The following AGBL4 variants were observed in gnomAD, a reference collection of about 807,000 sequenced individuals.
The protein encoded by AGBL4 is AGBL carboxypeptidase 4.
A neutral mutation model predicts 66.4 loss-of-function variants in AGBL4; 58 were observed. The observed-to-expected ratio is 0.87, with a 90% CI of 0.71 to 1.09. The LOEUF is 1.09. Among genes scored for constraint, AGBL4 ranks in the 50% least tolerant of loss-of-function variants. The pLI is 0.00. For synonymous variants in AGBL4, 234 were observed against 222.9 expected (o/e 1.05, Z -0.44); for missense variants, 579 against 631.0 (o/e 0.92, Z 0.88).
chr1:48,921,032 GAA>G (rs1557462804), intron 5 of AGBL4, among the ~76,000 whole-genome samples: 1 of 152,244 alleles, frequency 6.6e-6, no homozygotes, highest in Non-Finnish European at 1.5e-5. Context: ...CCATTTGCCT[GAA>G]GGAGCAGGTG....
At chr1:49,948,576 T>A (rs112166560) in intron 1 of AGBL4, among the ~76,000 whole-genome samples, 1 of 124,994 alleles carries the variant, frequency 8.0e-6, no homozygotes, top group Non-Finnish European at 1.6e-5. Context: ...TATATATATA[T>A]ATATATAGAG....
chr1:49,245,833 T>A lies in AGBL4; in HGVS notation c.314A>T (p.Lys105Ile), dbSNP rs537158458. The change falls in exon 4 of 14, where the codon AAA becomes ATA. Residue 105 changes from lysine to isoleucine, a missense_variant. Coordinates refer to ENST00000371839, the MANE Select transcript of AGBL4 (RefSeq NM_032785.4). Reference protein sequence around the residue: ...RVIFNIVNFSKTKSLYRDGMA... With the variant: ...RVIFNIVNFSITKSLYRDGMA... The stretch of plus-strand genomic sequence containing the variant: ...CCCATCTCTATAGAGACTCTTGGTT[T>A]TACTGAAGTTAACAATGTTGAAAAT... 2.6e-6 allele frequency: 4 copies of A among 1,549,606 alleles called. No individual in the cohort carries two copies. In the South Asian group the frequency reaches 4.8e-5, roughly 18 times the overall value.
At chr1:49,737,773 A>G (rs555557607) in intron 2 of AGBL4, among the ~76,000 whole-genome samples, 1 of 152,392 alleles carries the variant, frequency 6.6e-6, no homozygotes, top group African/African-American at 2.4e-5. Flanking sequence ...GAGTGCTGAA[A>G]GAAAAGACTT....
In AGBL4 at chr1:49,948,472, A is replaced by AAT. The variant is rs1373735952; in HGVS notation, c.34+75289_34+75290dup. On this transcript the variant is annotated intron_variant, in intron 1 of 13. Transcript: ENST00000371839. ...ATATATAAATATAGATAAATATATA[A>AAT]ATATATAAATATAAATATATAAAAA... 1.1e-3 allele frequency among the ~76,000 whole-genome samples: 131 copies of AAT among 124,462 alleles called. 1 individual carries two copies. Among genetic ancestry groups the AAT allele is most frequent in the South Asian group, 8.5e-3 (36 of 4,224 alleles). 81.7% of individuals were successfully genotyped at this position (124,462 alleles called of 152,430 possible).
chr1:49,921,173 G>C (rs1178032449), intron 1 of AGBL4, among the ~76,000 whole-genome samples: 1 of 151,824 alleles, frequency 6.6e-6, no homozygotes, highest in African/African-American at 2.4e-5. Flanking sequence ...ACACCAACAT[G>C]GCACATGTAT....
intron 6 of AGBL4, among the ~76,000 whole-genome samples, chr1:48,794,056 T>C (rs1440780628): frequency 2.0e-5 from 3 of 152,186 alleles, no homozygotes; most frequent in East Asian, 1.9e-4. Context: ...GGATCTGAAA[T>C]TGAGCCCTCT....
intron 2 of AGBL4, among the ~76,000 whole-genome samples, chr1:49,819,378 A>G (rs1645309952): frequency 6.6e-6 from 1 of 152,200 alleles, no homozygotes; most frequent in Admixed American, 6.5e-5. Context: ...TATATTAGCA[A>G]CTTACAGAAC....
intron 3 of AGBL4, among the ~76,000 whole-genome samples, chr1:49,507,421 A>G (rs1648799076): frequency 6.6e-6 from 1 of 152,012 alleles, no homozygotes; most frequent in Non-Finnish European, 1.5e-5. Flanking sequence ...ATATTTACCA[A>G]CTTACACTCC....
intron 3 of AGBL4, among the ~76,000 whole-genome samples, chr1:49,404,872 C>T (rs1341061490): frequency 6.6e-6 from 1 of 152,114 alleles, no homozygotes; most frequent in Non-Finnish European, 1.5e-5. Context: ...TTGAGCAAGA[C>T]TTTTCAATTG....
chr1:49,329,805 G>A (rs188861774), intron 3 of AGBL4, among the ~76,000 whole-genome samples: 208 of 152,222 alleles, frequency 1.4e-3, no homozygotes, highest in African/African-American at 4.8e-3. Context: ...GTCATTAACC[G>A]TGGAAATATA....
intron 3 of AGBL4, among the ~76,000 whole-genome samples, chr1:49,417,584 T>C (rs899086201): frequency 1.3e-5 from 2 of 152,118 alleles, no homozygotes; most frequent in African/African-American, 2.4e-5. Flanking sequence ...AGATATAATA[T>C]GGCATGGTCT....
chr1:49,332,593 C>T (rs930655542), intron 3 of AGBL4, among the ~76,000 whole-genome samples: 19 of 152,114 alleles, frequency 1.2e-4, no homozygotes, highest in Non-Finnish European at 4.4e-5. Context: ...AGGATATTCT[C>T]ATTGTGGAAT....
At chr1:49,112,415 A>G (rs1645430356) in intron 4 of AGBL4, among the ~76,000 whole-genome samples, 2 of 152,200 alleles carry the variant, frequency 1.3e-5, no homozygotes, top group African/African-American at 4.8e-5. Flanking sequence ...TCAGGGTGCT[A>G]TTGTTGAAGG....
chr1:49,864,416 C>A (rs183576753), intron 1 of AGBL4, among the ~76,000 whole-genome samples: 1 of 152,290 alleles, frequency 6.6e-6, no homozygotes, highest in Admixed American at 6.5e-5. Flanking sequence ...GAAAGAGATG[C>A]AGTGGGAGGC....
At chr1:49,533,189 C>T (rs1052553684) in intron 3 of AGBL4, among the ~76,000 whole-genome samples, 3 of 152,130 alleles carry the variant, frequency 2.0e-5, no homozygotes, top group African/African-American at 4.8e-5. Context: ...ACCTACACCC[C>T]GCCCCCACAC....
intron 6 of AGBL4, among the ~76,000 whole-genome samples, chr1:48,762,893 A>T (rs1644348405): frequency 6.6e-6 from 1 of 152,082 alleles, no homozygotes; most frequent in African/African-American, 2.4e-5. Flanking sequence ...CAGGATGAGG[A>T]CAGGTAGGTA....
intron 3 of AGBL4, among the ~76,000 whole-genome samples, chr1:49,275,449 A>G (rs1644149204): frequency 6.6e-6 from 1 of 152,152 alleles, no homozygotes; most frequent in Non-Finnish European, 1.5e-5. Flanking sequence ...TCCTTATTAA[A>G]AAGTTCCAAC....
chr1:48,733,186 T>G (rs1303591701), intron 6 of AGBL4, among the ~76,000 whole-genome samples: 1 of 152,174 alleles, frequency 6.6e-6, no homozygotes, highest in Non-Finnish European at 1.5e-5. Flanking sequence ...AAGGAGGGTT[T>G]CTTTGCTTTT....
At chr1:49,235,924 T>A (rs568564491) in intron 4 of AGBL4, among the ~76,000 whole-genome samples, 1 of 152,292 alleles carries the variant, frequency 6.6e-6, no homozygotes, top group East Asian at 1.9e-4. Flanking sequence ...CAAGTCTATA[T>A]TATCTCCACC....
Sources: gnomAD v4.1 joint callset for allele counts (sites outside exome capture counted in the v4.1 genomes callset) on GRCh38, gnomAD v4.1.1 for gene constraint, MANE v1.5 for transcripts, NCBI Gene and HGNC (gene_info 2026-07-23, HGNC 2026-07-21) for gene names.